GAREM2: variants seen among roughly 807,000 people sequenced by gnomAD.
GAREM2 encodes GRB2-associated and regulator of MAPK protein 2.
Under a neutral mutation model 55.6 loss-of-function variants are expected in GAREM2, and 30 were observed. That is an observed-to-expected ratio of 0.54 (90% CI 0.40 to 0.73). GAREM2 has a LOEUF of 0.73. Ranked by LOEUF, GAREM2 falls within the 30% of genes least tolerant of loss-of-function variation. The pLI is 0.00. For missense variants in GAREM2, 1,075 were observed against 1,257.7 expected (o/e 0.85, Z 2.20); for synonymous variants, 550 against 569.1 (o/e 0.97, Z 0.48).
intron 2 of GAREM2, 90 bp from the exon 3 acceptor site, chr2:26,182,877 G>A: frequency 2.7e-6 from 4 of 1,467,480 alleles, no homozygotes; most frequent in Non-Finnish European, 2.8e-6. Context: ...CCGAGATTAT[G>A]GTAGCAAGTG....
chr2:26,184,574 G>A lies in GAREM2; in HGVS notation c.726G>A (p.Pro242=). 1.9e-6 allele frequency: 3 copies of A among 1,548,004 alleles called. No homozygotes were observed. Among genetic ancestry groups the A allele is most frequent in the Non-Finnish European group, 1.7e-6 (2 of 1,145,972 alleles). Residue 242 remains proline, a synonymous_variant, in exon 4 of 6, where the codon CCG becomes CCA. Transcript: ENST00000401533. ...AGGGCCGCTTCAGCACTCGCAGCCCGCTGGAGCTGCAGATGCAAGAGGGCG... is the reference window on the plus strand; with the variant it reads ...AGGGCCGCTTCAGCACTCGCAGCCCACTGGAGCTGCAGATGCAAGAGGGCG... ...QCQGRFSTRS[P]LELQMQEGEH... is the part of the protein sequence containing the mutation.
At chr2:26,203,373 T>C in the GAREM2 span, among the ~76,000 whole-genome samples, 1 of 152,134 alleles carries the variant, frequency 6.6e-6, no homozygotes, top group Non-Finnish European at 1.5e-5. Context: ...AAACCAACCC[T>C]CCATTTGGCC....
At chr2:26,192,877 T>C (rs1214170832), downstream of GAREM2, among the ~76,000 whole-genome samples, 2 of 152,072 alleles carry the variant, frequency 1.3e-5, no homozygotes, top group East Asian at 1.9e-4. Context: ...GTCAGAAGAG[T>C]GGGCAGAGAA....
chr2:26,175,051 C>T (rs559651530), intron 1 of GAREM2, among the ~76,000 whole-genome samples: 2 of 152,022 alleles, frequency 1.3e-5, no homozygotes, highest in South Asian at 2.1e-4. Flanking sequence ...CCTTCCTGTG[C>T]GTCTTGAACC....
Position 26,184,244 on chromosome 2 carries a change from C to G in GAREM2, c.396C>G (p.Gly132=), listed in dbSNP as rs57492578. Residue 132 remains glycine, a synonymous_variant, in exon 4 of 6, where the codon GGC becomes GGG. Coordinates refer to ENST00000401533, the MANE Select transcript of GAREM2 (RefSeq NM_001168241.2). ...TCTGGGATCCCCAGGTGGTGTCGGG[C>G]GAGTTCAGCGAGGACAGCGAGGTGT... The part of the protein sequence containing the change: ...AITFSVKVVS[G]EFSEDSEVYN... 2 of 1,550,042 alleles carry G rather than the reference C, an allele frequency of 1.3e-6. No individual in the cohort carries two copies. The highest frequency in any genetic ancestry group is 2.4e-5 in the South Asian group (2 of 84,058).
chr2:26,196,241 A>G, the GAREM2 span, among the ~76,000 whole-genome samples: 1 of 152,176 alleles, frequency 6.6e-6, no homozygotes, highest in East Asian at 1.9e-4. Context: ...TCTATCTCCA[A>G]TGCCATTATG....
chr2:26,201,135 AGCCCCTTGCTTACC>A, the GAREM2 span: 2 of 1,596,874 alleles, frequency 1.3e-6, no homozygotes, highest in African/African-American at 1.3e-5. Flanking sequence ...CAAGTACAAC[AGCCCCTTGCTTACC>A]GCTTCTACTT....
chr2:26,177,840 T>C (rs903632608), intron 2 of GAREM2, among the ~76,000 whole-genome samples: 5 of 152,252 alleles, frequency 3.3e-5, no homozygotes, highest in African/African-American at 1.2e-4. Context: ...TTGGCCAGGC[T>C]GGTCTCAAAC....
chr2:26,189,148 C>T lies in GAREM2; in HGVS notation c.*891C>T, dbSNP rs1338643972. On this transcript the variant is annotated 3_prime_UTR_variant, in exon 6 of 6. Coordinates refer to ENST00000401533, the MANE Select transcript of GAREM2 (RefSeq NM_001168241.2). ...ACCTCCAATTCCGCCAATCTCTTGC[C>T]CCCATCATTTGTCTCTGACAATACT... The T allele has an allele frequency of 6.6e-6, 1 of 152,222 alleles. No homozygotes were observed. The highest frequency in any genetic ancestry group is 1.5e-5 in the Non-Finnish European group (1 of 68,054). 9.4% of individuals were successfully genotyped at this position (152,222 alleles called of 1,614,324 possible). A position where few individuals can be genotyped will look rare whatever the true frequency, so the allele number is the denominator to read the frequency against.
At chr2:26,201,344 A>C in the GAREM2 span, 1 of 1,536,036 alleles carries the variant, frequency 6.5e-7, no homozygotes, top group Non-Finnish European at 9.0e-7. Context: ...ATTCCTAGTT[A>C]GATGGGAAGA....
the GAREM2 span, among the ~76,000 whole-genome samples, chr2:26,202,272 A>AT: frequency 6.6e-6 from 1 of 152,160 alleles, no homozygotes; most frequent in South Asian, 2.1e-4. Flanking sequence ...CATTCAACTG[A>AT]TTATTTTTCG....
the GAREM2 span, among the ~76,000 whole-genome samples, chr2:26,195,952 C>T: frequency 2.0e-4 from 30 of 152,186 alleles, no homozygotes; most frequent in African/African-American, 7.0e-4. Flanking sequence ...CATAGTCTTC[C>T]CAACAGAACT....
chr2:26,201,695 T>C, the GAREM2 span, among the ~76,000 whole-genome samples: 6 of 152,140 alleles, frequency 3.9e-5, no homozygotes, highest in East Asian at 1.2e-3. Flanking sequence ...TCTCTACCTA[T>C]GACAGGGGAA....
chr2:26,187,170 C>T (rs986692965), intron 5 of GAREM2, 61 bp from the exon 6 acceptor site: 1 of 1,407,670 alleles, frequency 7.1e-7, no homozygotes, highest in South Asian at 1.7e-5. Flanking sequence ...CATGTGTGAC[C>T]CTATCGGATT....
downstream of GAREM2, chr2:26,192,457 TTG>T: frequency 8.7e-7 from 1 of 1,154,514 alleles, no homozygotes; most frequent in Non-Finnish European, 1.3e-6. Flanking sequence ...GTGTTACTAT[TTG>T]TTCTCAGGGA....
chr2:26,185,828 C>T (rs564041075), intron 4 of GAREM2, among the ~76,000 whole-genome samples: 13 of 152,324 alleles, frequency 8.5e-5, no homozygotes, highest in Admixed American at 3.9e-4. Flanking sequence ...GCTTCCTTCC[C>T]TCTGTCCCTT....
intron 2 of GAREM2, chr2:26,181,294 C>A: frequency 4.6e-6 from 1 of 217,964 alleles, no homozygotes; most frequent in Non-Finnish European, 7.8e-6. Flanking sequence ...AGGCACGCAC[C>A]ATCTGGGGCA....
At chr2:26,192,378 C>T (rs765574028), downstream of GAREM2, 5 of 1,609,784 alleles carry the variant, frequency 3.1e-6, no homozygotes, top group South Asian at 3.3e-5. Context: ...AATCCTTCCT[C>T]TTCACACCCT....
chr2:26,183,162 C>G lies in GAREM2; in HGVS notation c.384+65C>G, dbSNP rs1039833213. The G allele has an allele frequency of 3.3e-6, 5 of 1,510,054 alleles. No individual in the cohort carries two copies. The African/African-American group carries it at 5.5e-5, about 17-fold the overall frequency. The allele number at this position is 1,510,054 out of a possible 1,614,324, so 93.5% of individuals were successfully genotyped here. A position where few individuals can be genotyped will look rare whatever the true frequency, so the allele number is the denominator to read the frequency against. On this transcript the variant is annotated intron_variant, in intron 3 of 5. Transcript: ENST00000401533. ...CTCCTTGCCTCAGGGGCAACCCTGA[C>G]TCTGGTTGGAAGGTTGCCCTCAGGA...
Sources: gnomAD v4.1 joint callset for allele counts (sites outside exome capture counted in the v4.1 genomes callset) on GRCh38, gnomAD v4.1.1 for gene constraint, MANE v1.5 for transcripts, NCBI Gene and HGNC (gene_info 2026-07-23, HGNC 2026-07-21) for gene names.